Variants in PCDHGA6 observed in about 807,000 individuals in gnomAD.
The protein encoded by PCDHGA6 is protocadherin gamma-A6.
PCDHGA6 carries 41 observed loss-of-function variants against 60.6 expected under a neutral mutation model. The ratio of observed to expected loss-of-function variants is 0.68; its 90% CI spans 0.53 to 0.88. PCDHGA6 has a LOEUF of 0.88. Among genes scored for constraint, PCDHGA6 ranks in the 40% least tolerant of loss-of-function variants. The pLI is 0.00. For synonymous variants in PCDHGA6, 594 were observed against 524.4 expected, an observed-to-expected ratio of 1.13 and a Z score of -1.81; for missense variants, 1,312 against 1,203.0, an observed-to-expected ratio of 1.09 and a Z score of -1.34.
chr5:141,495,005 C>T (rs555909709), intron 2 of PCDHGA6, 140 bp downstream of exon 2: 1,141 of 1,522,692 alleles, frequency 7.5e-4, no homozygotes, highest in Non-Finnish European at 8.4e-4. Context: ...TCTTGGTGTG[C>T]GGGGGGCTGG....
Position 141,490,486 on chromosome 5 carries a change from G to A in PCDHGA6, c.2425-4321G>A, listed in dbSNP as rs1187388706. The A allele has an allele frequency of 1.2e-6, 2 of 1,614,090 alleles. No individual in the cohort carries two copies. On this transcript the variant is annotated intron_variant, in intron 1 of 3. Transcript: ENST00000517434. The surrounding 1 kb of genome is among the most constrained non-coding windows in gnomAD (Gnocchi z 5.4). ...AACCAGCCAGCCTTTGGACCGGGAG[G>A]CCACATCCCACTATATCATCGAGCT...
At chr5:141,501,423 A>C (rs1195105794) in intron 2 of PCDHGA6, among the ~76,000 whole-genome samples, 1 of 151,966 alleles carries the variant, frequency 6.6e-6, no homozygotes, top group Non-Finnish European at 1.5e-5. Flanking sequence ...AGTTGACTAA[A>C]TGTAGTCCAT....
chr5:141,487,633 T>C lies in PCDHGA6; in HGVS notation c.2425-7174T>C. On this transcript the variant is annotated intron_variant, in intron 1 of 3. Transcript: ENST00000517434. The surrounding 1 kb of genome is among the most constrained non-coding windows in gnomAD (Gnocchi z 5.0). ...GGCTAGAGGTGAGACCTTTGCAGGCTCAACAAATGCTTGAGGGTTATTCTG... is the reference window on the plus strand; with the variant it reads ...GGCTAGAGGTGAGACCTTTGCAGGCCCAACAAATGCTTGAGGGTTATTCTG... 3 of 1,614,164 alleles carry C rather than the reference T, an allele frequency of 1.9e-6. No individual in the cohort carries two copies. The highest frequency in any genetic ancestry group is 2.7e-5 in the African/African-American group (2 of 75,052).
At chr5:141,399,847 G>T (rs746731144) in intron 1 of PCDHGA6, 19 of 1,612,874 alleles carry the variant, frequency 1.2e-5, no homozygotes, top group Middle Eastern at 1.7e-4. Flanking sequence ...CTTCGATATG[G>T]TGCCGCGCGC....
intron 1 of PCDHGA6, among the ~76,000 whole-genome samples, chr5:141,483,980 G>C (rs1379963326): frequency 2.0e-5 from 3 of 148,294 alleles, no homozygotes; most frequent in African/African-American, 7.5e-5. Flanking sequence ...CAAGGGAGTA[G>C]CTAGGTTGCT....
intron 1 of PCDHGA6, chr5:141,422,676 A>G (rs1245488589): frequency 1.2e-6 from 2 of 1,606,500 alleles, no homozygotes; most frequent in East Asian, 4.5e-5. Flanking sequence ...CGGACAGCAA[A>G]CAGAATGCCC....
At chr5:141,428,099 C>G (rs1304120001) in intron 1 of PCDHGA6, 4 of 1,608,710 alleles carry the variant, frequency 2.5e-6, no homozygotes, top group Non-Finnish European at 2.5e-6. Flanking sequence ...TGTCCTACCA[C>G]GTGCTGCAGG....
chr5:141,430,659 G>A, intron 1 of PCDHGA6: 1 of 1,110,600 alleles, frequency 9.0e-7, no homozygotes, highest in Non-Finnish European at 1.2e-6. Context: ...AACAACGGAG[G>A]AGCTCTGACT....
Position 141,432,153 on chromosome 5 carries a change from A to T in PCDHGA6, c.2424+55646A>T. 6.2e-7 allele frequency: 1 copy of T among 1,613,758 alleles called. No homozygotes were observed. The highest frequency in any genetic ancestry group is 8.5e-7 in the Non-Finnish European group (1 of 1,179,910). On this transcript the variant is annotated intron_variant, in intron 1 of 3. Transcript: ENST00000517434. This position sits in a 1 kb window ranked among gnomAD's most constrained non-coding sequence, Gnocchi z 6.0. ...TATTCCGCTTATATCCCAGAGAACA[A>T]TCCCAGAGGAGTTTCCCTCGTCTCT...
intron 2 of PCDHGA6, among the ~76,000 whole-genome samples, chr5:141,503,361 C>T (rs1021880248): frequency 6.6e-6 from 1 of 151,886 alleles, no homozygotes; most frequent in Non-Finnish European, 1.5e-5. Context: ...CTTTGGGAAG[C>T]GGAGGCAGGT....
intron 1 of PCDHGA6, chr5:141,399,413 C>A (rs1456440098): frequency 1.2e-6 from 2 of 1,613,930 alleles, no homozygotes; most frequent in African/African-American, 1.3e-5. Context: ...CCGCCCCTCT[C>A]CTCCAGCATA....
At chr5:141,376,807 C>T in intron 1 of PCDHGA6, 1 of 328,760 alleles carries the variant, frequency 3.0e-6, no homozygotes, top group Admixed American at 4.7e-5. Context: ...CTGCCTCAGC[C>T]TCCCTAGTAG....
chr5:141,377,582 T>A (rs1774132578), intron 1 of PCDHGA6: 1 of 150,722 alleles, frequency 6.6e-6, no homozygotes. Flanking sequence ...GGAGACAGAA[T>A]GAGACTTTTT....
chr5:141,394,740 G>A (rs148904388), intron 1 of PCDHGA6: 174 of 1,613,404 alleles, frequency 1.1e-4, no homozygotes, highest in Non-Finnish European at 1.4e-4. Flanking sequence ...GCAGAGCCTC[G>A]TGGTGGCCGT....
intron 1 of PCDHGA6, chr5:141,393,734 A>G (rs1453820640): frequency 1.9e-6 from 3 of 1,613,888 alleles, no homozygotes; most frequent in East Asian, 2.2e-5. Context: ...CAAAAAGTCT[A>G]GATTATGAAG....
rs758439978 is a variant in PCDHGA6 at position 141,415,219 on chromosome 5, T to C, written c.2424+38712T>C. ...CCAAGTCCTGGCGGACCTCGGCAGC[T>C]TCGAGTCTCCAGCTAACTCTGAAAC... On this transcript the variant is annotated intron_variant, in intron 1 of 3. Coordinates refer to ENST00000517434, the MANE Select transcript of PCDHGA6 (RefSeq NM_018919.3). 42 of 1,613,954 alleles carry C rather than the reference T, an allele frequency of 2.6e-5. No individual in the cohort carries two copies. Among genetic ancestry groups the C allele is most frequent in the South Asian group, 9.9e-5 (9 of 91,088 alleles).
chr5:141,427,743 T>A, intron 1 of PCDHGA6: 5 of 1,249,166 alleles, frequency 4.0e-6, no homozygotes, highest in Non-Finnish European at 5.8e-6. Context: ...CCAAGTCTCC[T>A]ACTCCATCGT....
intron 1 of PCDHGA6, among the ~76,000 whole-genome samples, chr5:141,481,728 C>T (rs529419213): frequency 2.1e-4 from 32 of 152,032 alleles, no homozygotes; most frequent in African/African-American, 7.2e-4. Flanking sequence ...CGGAGGCGGG[C>T]GGATCACGAG....
chr5:141,397,846 A>G (rs1032127108), intron 1 of PCDHGA6: 3 of 528,344 alleles, frequency 5.7e-6, no homozygotes, highest in Non-Finnish European at 9.9e-6. Flanking sequence ...GAAGCCGCAG[A>G]GGCTGTAGTT....
Sources: gnomAD v4.1 joint callset for allele counts (sites outside exome capture counted in the v4.1 genomes callset) on GRCh38, gnomAD v4.1.1 for gene constraint, Gnocchi (gnomAD v3.1) non-coding constraint, MANE v1.5 for transcripts, NCBI Gene and HGNC (gene_info 2026-07-23, HGNC 2026-07-21) for gene names.